Variants in NFIB observed in about 807,000 individuals in gnomAD.
NFIB encodes nuclear factor 1 B-type.
Under a neutral mutation model 61.5 loss-of-function variants are expected in NFIB, and 11 were observed. The ratio of observed to expected loss-of-function variants is 0.18; its 90% CI spans 0.11 to 0.30. The LOEUF (loss-of-function observed/expected upper bound fraction) is 0.30. Among genes scored for constraint, NFIB ranks in the 10% least tolerant of loss-of-function variants. The probability of loss-of-function intolerance (pLI) is 1.00; values close to 1 mark genes in which losing one functional copy is unlikely to be tolerated. For synonymous variants in NFIB, 260 were observed against 216.5 expected (o/e 1.20, Z -1.76); for missense variants, 471 against 608.9 (o/e 0.77, Z 2.38).
the NFIB span, among the ~76,000 whole-genome samples, chr9:14,497,632 T>C: frequency 6.6e-6 from 1 of 152,210 alleles, no homozygotes; most frequent in Non-Finnish European, 1.5e-5. Context: ...TTGAGGGAAT[T>C]CTGTAATGAG....
the NFIB span, among the ~76,000 whole-genome samples, chr9:14,516,115 T>C: frequency 6.6e-6 from 1 of 152,216 alleles, no homozygotes; most frequent in Non-Finnish European, 1.5e-5. Context: ...AGACAGGATT[T>C]GCAGACAATT....
chr9:14,301,283 G>A (rs965036562), intron 2 of NFIB, among the ~76,000 whole-genome samples: 1 of 152,116 alleles, frequency 6.6e-6, no homozygotes, highest in African/African-American at 2.4e-5. Context: ...CAATTACCAC[G>A]ATTCTCGAAC....
chr9:14,484,656 T>C, the NFIB span, among the ~76,000 whole-genome samples: 1 of 152,208 alleles, frequency 6.6e-6, no homozygotes, highest in African/African-American at 2.4e-5. Flanking sequence ...TGCATCATGT[T>C]TCACCTCCAG....
chr9:14,116,449 C>T (rs994293274), intron 8 of NFIB, 103 bp from the exon 9 acceptor site: 29 of 1,206,344 alleles, frequency 2.4e-5, no homozygotes, highest in African/African-American at 2.0e-4. Flanking sequence ...CAGCACACTG[C>T]GCATAGGCGC....
the NFIB span, among the ~76,000 whole-genome samples, chr9:14,447,076 A>G: frequency 6.6e-6 from 1 of 152,206 alleles, no homozygotes; most frequent in Non-Finnish European, 1.5e-5. Context: ...AGGTATTTTT[A>G]TCATAAGAAT....
chr9:14,135,234 A>T (rs2040905918), intron 6 of NFIB, among the ~76,000 whole-genome samples: 1 of 152,150 alleles, frequency 6.6e-6, no homozygotes, highest in African/African-American at 2.4e-5. Flanking sequence ...TTTTGGGAAA[A>T]TTGTTGCCTG....
At chr9:14,327,510 G>A (rs2060769740) in intron 1 of NFIB, among the ~76,000 whole-genome samples, 1 of 152,178 alleles carries the variant, frequency 6.6e-6, no homozygotes, top group African/African-American at 2.4e-5. Flanking sequence ...TCTGGACCTT[G>A]GGCTGGGTGC....
At chr9:14,431,756 G>A in the NFIB span, among the ~76,000 whole-genome samples, 3 of 151,856 alleles carry the variant, frequency 2.0e-5, no homozygotes, top group African/African-American at 7.3e-5. Flanking sequence ...TCATCCAGGG[G>A]AAAAAGGCCT....
intron 2 of NFIB, among the ~76,000 whole-genome samples, chr9:14,250,568 T>C (rs986005144): frequency 6.6e-6 from 1 of 152,234 alleles, no homozygotes; most frequent in South Asian, 2.1e-4. Context: ...GAAGGAGTGC[T>C]GAAGCACTAT....
At chr9:14,384,165 G>C (rs1388512107) in intron 1 of NFIB, among the ~76,000 whole-genome samples, 1 of 152,170 alleles carries the variant, frequency 6.6e-6, no homozygotes, top group African/African-American at 2.4e-5. Flanking sequence ...TCGCAATCCT[G>C]ATGACAGCTC....
chr9:14,279,286 T>G (rs1028772033), intron 2 of NFIB, among the ~76,000 whole-genome samples: 1 of 152,116 alleles, frequency 6.6e-6, no homozygotes, highest in Non-Finnish European at 1.5e-5. Context: ...GGATATTACA[T>G]CTACTAATCA....
intron 2 of NFIB, among the ~76,000 whole-genome samples, chr9:14,220,092 T>C (rs2051459271): frequency 6.6e-6 from 1 of 152,222 alleles, no homozygotes; most frequent in South Asian, 2.1e-4. Context: ...AATTTCCTCC[T>C]AGCAACAGGC....
chr9:14,484,902 G>A, the NFIB span, among the ~76,000 whole-genome samples: 7 of 152,082 alleles, frequency 4.6e-5, no homozygotes, highest in Admixed American at 3.9e-4. Context: ...CTAGAGCCTG[G>A]CAGTCCAAAT....
In NFIB at chr9:14,307,477, C is replaced by T. The variant is rs1366480960; in HGVS notation, c.74G>A (p.Arg25His). ...GTTGAACCAAGTATAGGCAATTGCA[C>T]GGACATGTGGAAGAAGTGCCTCGAT... is the stretch of plus-strand genomic sequence containing the variant. ...PFIEALLPHV[R>H]AIAYTWFNLQ... The change falls in exon 2 of 11, where the codon CGT (arginine) becomes CAT (histidine). Residue 25 changes from arginine to histidine, a missense_variant. Physicochemically the swap from Arg to His is conservative, Grantham distance 29. Around this residue, in one of 2 missense-constraint regions of NFIB, gnomAD observed 99 missense variants for 213.3 expected, o/e 0.46. Transcript: ENST00000380953. This position sits in a 1 kb window ranked among gnomAD's most constrained non-coding sequence, Gnocchi z 5.3. 3 of 1,612,420 alleles carry T rather than the reference C, an allele frequency of 1.9e-6. No individual in the cohort carries two copies. The highest frequency in any genetic ancestry group is 1.7e-6 in the Non-Finnish European group (2 of 1,179,190).
At position 14,273,230 on chromosome 9, in the gene NFIB, A is replaced by G. The variant is rs1016102628; in HGVS notation, c.562+33759T>C. Among the ~76,000 whole-genome samples the G allele has an allele frequency of 2.0e-5, 3 of 152,114 alleles. No individual in the cohort carries two copies. The East Asian group carries it at 5.8e-4, about 29-fold the overall frequency. ...GTCTCTTTCCCCCTCATCAATCCCA[A>G]AAAGAAACTCAGCTTCTCTGTGTAT... On this transcript the variant is annotated intron_variant, in intron 2 of 10. Transcript: ENST00000380953.
chr9:14,268,140 T>A (rs1368395465), intron 2 of NFIB, among the ~76,000 whole-genome samples: 1 of 150,804 alleles, frequency 6.6e-6, no homozygotes, highest in Non-Finnish European at 1.5e-5. Flanking sequence ...AAAAAAATTA[T>A]ATACTGTACC....
intron 1 of NFIB, among the ~76,000 whole-genome samples, chr9:14,353,853 CTTTTTT>C (rs59303621): frequency 8.4e-6 from 1 of 118,746 alleles, no homozygotes; most frequent in Non-Finnish European, 1.8e-5. Flanking sequence ...GGGGTTTTGT[CTTTTTT>C]TTTTTTTTTT....
chr9:14,233,431 T>C (rs1000103730), intron 2 of NFIB, among the ~76,000 whole-genome samples: 1 of 148,114 alleles, frequency 6.8e-6, no homozygotes, highest in Non-Finnish European at 1.5e-5. Context: ...CTTTTTTTTT[T>C]TTTTTTTTTT....
chr9:14,306,838 A>G, intron 2 of NFIB, 151 bp downstream of exon 2: 1 of 849,466 alleles, frequency 1.2e-6, no homozygotes, highest in Non-Finnish European at 1.8e-6. Context: ...GGCAGCGGAC[A>G]TGTGAGTGAA....
Sources: allele counts gnomAD v4.1 joint callset (sites outside exome capture counted in the v4.1 genomes callset), GRCh38; gene constraint gnomAD v4.1.1; regional missense constraint gnomAD v4.1.1; non-coding constraint Gnocchi (gnomAD v3.1); transcripts MANE v1.5; gene names NCBI Gene and HGNC (gene_info 2026-07-23, HGNC 2026-07-21).